Variants in COPG2 observed in about 807,000 individuals in gnomAD.
COPG2 encodes the protein coatomer subunit gamma-2.
In COPG2, 37 loss-of-function variants were observed where a neutral mutation model predicts 46.3. The observed-to-expected ratio is 0.80, with a 90% confidence interval of 0.61 to 1.05. The LOEUF (loss-of-function observed/expected upper bound fraction) is 1.05. COPG2 is among the 50% of genes least tolerant of loss of function. The pLI is 0.00. For synonymous variants in COPG2, 159 were observed against 129.7 expected (o/e 1.23, Z -1.53); for missense variants, 427 against 387.8 (o/e 1.10, Z -0.85).
At chr7:130,628,536 C>G (rs1165046394) in intron 5 of COPG2, among the ~76,000 whole-genome samples, 64 of 152,108 alleles carry the variant, frequency 4.2e-4, no homozygotes, top group Non-Finnish European at 1.5e-5. Flanking sequence ...ACACATTACA[C>G]TACTATTTTT....
chr7:130,507,286 G>A lies in COPG2; in HGVS notation c.2473C>T (p.Leu825Phe). 1 of 780,722 alleles carries A rather than the reference G, an allele frequency of 1.3e-6. No homozygotes were observed. Among genetic ancestry groups the A allele is most frequent in the Non-Finnish European group, 2.4e-6 (1 of 417,850 alleles). 48.4% of individuals were successfully genotyped at this position (780,722 alleles called of 1,614,324 possible). A position where few individuals can be genotyped will look rare whatever the true frequency, so the allele number is the denominator to read the frequency against. ...GGAAGCTTCTTACCTGCCAGATAGAGCGAATGGGAATTCTTGTTCTCAGGT... is the reference window on the plus strand; with the variant it reads ...GGAAGCTTCTTACCTGCCAGATAGAACGAATGGGAATTCTTGTTCTCAGGT... ...KVPENKNSHS[L>F]YLAGIFRGGY... Residue 825 changes from leucine (L) to phenylalanine (F), a missense_variant, in exon 23 of 24, where the codon CTC becomes TTC. Physicochemically the swap from Leu to Phe is conservative, Grantham distance 22 (BLOSUM62 0). Transcript: ENST00000425248.
intron 5 of COPG2, among the ~76,000 whole-genome samples, chr7:130,651,494 A>C (rs1431898660): frequency 1.7e-5 from 1 of 57,242 alleles, no homozygotes; most frequent in African/African-American, 7.1e-5. Context: ...ATTTTTTTGT[A>C]TTTTTTTTTT....
At chr7:130,569,839 A>T (rs1389009774) in intron 9 of COPG2, among the ~76,000 whole-genome samples, 1 of 152,234 alleles carries the variant, frequency 6.6e-6, no homozygotes, top group Non-Finnish European at 1.5e-5. Flanking sequence ...TCAACAGCAT[A>T]TCAAAAAGAT....
chr7:130,603,993 T>C (rs1219668363), intron 9 of COPG2: 2 of 401,910 alleles, frequency 5.0e-6, no homozygotes, highest in South Asian at 1.9e-5. Context: ...GAAAAGAAAA[T>C]ATTAAGAAAA....
At chr7:130,565,431 C>A (rs1793787063) in intron 9 of COPG2, among the ~76,000 whole-genome samples, 1 of 152,126 alleles carries the variant, frequency 6.6e-6, no homozygotes, top group African/African-American at 2.4e-5. Flanking sequence ...ACAAAAACAA[C>A]AAACCCCAGG....
Position 130,556,325 on chromosome 7 carries a change from T to C in COPG2, c.1129-1193A>G, listed in dbSNP as rs889870661. Among the ~76,000 whole-genome samples the C allele has an allele frequency of 2.9e-3, 442 of 152,268 alleles. 2 individuals carry two copies. The highest frequency in any genetic ancestry group is 9.1e-3 in the African/African-American group (377 of 41,558). ...CCTTTAGAGGGAGACATGATCTCTA[T>C]CTTCTAAGGCTAGAAGATGTCTTGT... On this transcript the variant is annotated intron_variant, in intron 12 of 23. Coordinates refer to ENST00000425248, the MANE Select transcript of COPG2 (RefSeq NM_012133.6).
At chr7:130,644,788 G>A (rs1554457842) in intron 5 of COPG2, among the ~76,000 whole-genome samples, 2 of 152,114 alleles carry the variant, frequency 1.3e-5, no homozygotes, top group East Asian at 1.9e-4. Flanking sequence ...CTGGCCGGGC[G>A]CAGTGGCTCA....
At chr7:130,646,856 C>A (rs1031283321) in intron 5 of COPG2, among the ~76,000 whole-genome samples, 7 of 151,418 alleles carry the variant, frequency 4.6e-5, no homozygotes, top group African/African-American at 1.5e-4. Context: ...CCCCCAGCCA[C>A]GCGGAACTGT....
At chr7:130,603,462 G>C (rs915844966) in intron 9 of COPG2, among the ~76,000 whole-genome samples, 1 of 152,134 alleles carries the variant, frequency 6.6e-6, no homozygotes, top group Non-Finnish European at 1.5e-5. Flanking sequence ...GCTCATGCCT[G>C]TAATCCCAGC....
At chr7:130,550,178 AGGTG>A (rs1793513954) in intron 17 of COPG2, among the ~76,000 whole-genome samples, 1 of 152,112 alleles carries the variant, frequency 6.6e-6, no homozygotes, top group African/African-American at 2.4e-5. Flanking sequence ...TGGGAGGCCG[AGGTG>A]GGTGGATCAC....
intron 15 of COPG2, 43 bp downstream of exon 15, chr7:130,552,312 T>G (rs1039425008): frequency 7.0e-5 from 28 of 397,876 alleles, no homozygotes; most frequent in Non-Finnish European, 9.7e-5. Context: ...TTTAACCATA[T>G]AGAATTCTTA....
intron 9 of COPG2, among the ~76,000 whole-genome samples, chr7:130,591,059 C>G (rs1361786136): frequency 1.3e-5 from 2 of 150,152 alleles, no homozygotes; most frequent in Non-Finnish European, 3.0e-5. Flanking sequence ...GTCAGCCCCC[C>G]GCCCGGCCAG....
intron 20 of COPG2, among the ~76,000 whole-genome samples, chr7:130,520,475 C>G (rs1799715134): frequency 6.6e-6 from 1 of 152,200 alleles, no homozygotes; most frequent in South Asian, 2.1e-4. Context: ...TCTGCTCATA[C>G]AGCCTAAATA....
intron 5 of COPG2, among the ~76,000 whole-genome samples, chr7:130,640,761 T>C (rs1039522268): frequency 1.3e-5 from 2 of 152,174 alleles, no homozygotes; most frequent in Non-Finnish European, 2.9e-5. Context: ...TTTCTCCACT[T>C]CTGCCTGTGT....
chr7:130,582,344 A>G (rs1392862070), intron 9 of COPG2, among the ~76,000 whole-genome samples: 191 of 147,728 alleles, frequency 1.3e-3, no homozygotes, highest in African/African-American at 4.4e-3. Flanking sequence ...ACAAAAATCA[A>G]TTCAAGATGG....
intron 5 of COPG2, among the ~76,000 whole-genome samples, chr7:130,637,357 C>T (rs531378921): frequency 9.2e-5 from 14 of 152,076 alleles, no homozygotes; most frequent in African/African-American, 1.9e-4. Context: ...CTTTCAGGTA[C>T]GCCAATCAAA....
chr7:130,603,531 C>T (rs1393272044), intron 9 of COPG2, among the ~76,000 whole-genome samples: 7 of 151,774 alleles, frequency 4.6e-5, no homozygotes, highest in Admixed American at 2.6e-4. Flanking sequence ...ACCAGCCTGG[C>T]GAACATGGTC....
chr7:130,510,907 G>A (rs1554440932), intron 20 of COPG2: 1 of 519,842 alleles, frequency 1.9e-6, no homozygotes. Context: ...AAATATGAGA[G>A]TTACACAGAC....
intron 9 of COPG2, among the ~76,000 whole-genome samples, chr7:130,592,085 T>C (rs1291179145): frequency 6.6e-6 from 1 of 152,236 alleles, no homozygotes; most frequent in Non-Finnish European, 1.5e-5. Flanking sequence ...TGGGATCCTG[T>C]TGATCTGTGA....
Sources: allele counts gnomAD v4.1 joint callset (sites outside exome capture counted in the v4.1 genomes callset), GRCh38; gene constraint gnomAD v4.1.1; transcripts MANE v1.5; gene names NCBI Gene and HGNC (gene_info 2026-07-23, HGNC 2026-07-21).